LRMDA: variants seen among roughly 807,000 people sequenced by gnomAD.
LRMDA encodes the protein leucine rich melanocyte differentiation associated.
Under a neutral mutation model 29.8 loss-of-function variants are expected in LRMDA, and 18 were observed. The observed-to-expected ratio is 0.60, with a 90% CI of 0.42 to 0.90. The LOEUF (loss-of-function observed/expected upper bound fraction) is 0.90, where lower values mean the gene tolerates loss of function less well. Among genes scored for constraint, LRMDA ranks in the 40% least tolerant of loss-of-function variants. The probability of loss-of-function intolerance (pLI) is 0.00; values close to 1 mark genes in which losing one functional copy is unlikely to be tolerated. For synonymous variants in LRMDA, 125 were observed against 109.4 expected (o/e 1.14, Z -0.89); for missense variants, 273 against 273.9 (o/e 1.00, Z 0.02).
At chr10:76,541,477 C>T (rs545338035) in intron 6 of LRMDA, among the ~76,000 whole-genome samples, 53 of 152,226 alleles carry the variant, frequency 3.5e-4, no homozygotes, top group African/African-American at 1.2e-3. Context: ...CCAGCCAGGG[C>T]GACAGGATGA....
intron 2 of LRMDA, among the ~76,000 whole-genome samples, chr10:75,645,761 G>A (rs1217985568): frequency 6.6e-6 from 1 of 152,146 alleles, no homozygotes; most frequent in Non-Finnish European, 1.5e-5. Flanking sequence ...GATGAGGTCA[G>A]CCTGGTGGAA....
chr10:75,933,719 G>A (rs573498794), intron 2 of LRMDA, among the ~76,000 whole-genome samples: 3 of 152,230 alleles, frequency 2.0e-5, no homozygotes, highest in East Asian at 1.9e-4. Flanking sequence ...GAGGGTATTC[G>A]CTCCAAGGAG....
At chr10:76,371,479 C>A (rs1284523318) in intron 6 of LRMDA, among the ~76,000 whole-genome samples, 1 of 152,146 alleles carries the variant, frequency 6.6e-6, no homozygotes, top group African/African-American at 2.4e-5. Flanking sequence ...GCCCTGGAAT[C>A]ATATCCTAGC....
intron 6 of LRMDA, among the ~76,000 whole-genome samples, chr10:76,470,968 A>C (rs1206302805): frequency 1.3e-5 from 2 of 151,932 alleles, no homozygotes; most frequent in African/African-American, 4.8e-5. Context: ...TAACTCTAAA[A>C]AAGCAATTAT....
intron 6 of LRMDA, among the ~76,000 whole-genome samples, chr10:76,527,337 G>A (rs981261025): frequency 2.0e-5 from 3 of 152,120 alleles, no homozygotes; most frequent in Admixed American, 1.3e-4. Context: ...TTAAGAAGGT[G>A]GGTCAGAGAC....
chr10:76,471,867 A>G (rs954232443), intron 6 of LRMDA, among the ~76,000 whole-genome samples: 4 of 151,854 alleles, frequency 2.6e-5, no homozygotes, highest in Non-Finnish European at 4.4e-5. Context: ...TTTGTCAGGT[A>G]TGTAAAACAA....
chr10:75,869,392 AG>A (rs1054339778), intron 2 of LRMDA, among the ~76,000 whole-genome samples: 22 of 152,170 alleles, frequency 1.4e-4, no homozygotes, highest in African/African-American at 5.1e-4. Context: ...TTCCGTCTTG[AG>A]GGTGAGGGCA....
At chr10:76,132,568 G>C (rs1380188000) in intron 5 of LRMDA, among the ~76,000 whole-genome samples, 1 of 152,190 alleles carries the variant, frequency 6.6e-6, no homozygotes, top group Non-Finnish European at 1.5e-5. Context: ...GATTGTGGCA[G>C]ATGTGGTAAT....
At chr10:75,611,220 G>A (rs1234013580) in intron 2 of LRMDA, among the ~76,000 whole-genome samples, 1 of 152,150 alleles carries the variant, frequency 6.6e-6, no homozygotes, top group Non-Finnish European at 1.5e-5. Flanking sequence ...CGTTTGTGGA[G>A]GCAAGTGCAG....
At chr10:76,507,709 A>G (rs1338501712) in intron 6 of LRMDA, among the ~76,000 whole-genome samples, 2 of 152,102 alleles carry the variant, frequency 1.3e-5, no homozygotes, top group Admixed American at 6.5e-5. Context: ...ATTGTTCTGC[A>G]TATGGGTGTC....
At chr10:75,507,945 C>T (rs1419286144) in intron 2 of LRMDA, among the ~76,000 whole-genome samples, 1 of 152,170 alleles carries the variant, frequency 6.6e-6, no homozygotes, top group African/African-American at 2.4e-5. Flanking sequence ...CTCAATTGAG[C>T]CCTATTGATG....
chr10:76,044,459 TTTG>T (rs1416972219), intron 3 of LRMDA, among the ~76,000 whole-genome samples: 4 of 149,308 alleles, frequency 2.7e-5, no homozygotes, highest in African/African-American at 9.9e-5. Context: ...TTTTTTTTCT[TTTG>T]TTGTTGTAGT....
intron 2 of LRMDA, among the ~76,000 whole-genome samples, chr10:75,525,592 C>CTTTTTTTTTTTTTTTTTTTT (rs11415547): frequency 6.2e-5 from 8 of 129,716 alleles, no homozygotes; most frequent in Non-Finnish European, 1.1e-4. Flanking sequence ...TTCTTTCTTT[C>CTTTTTTTTTTTTTTTTTTTT]TTTTTTTTTT....
At chr10:76,135,438 A>G (rs1212719151) in intron 5 of LRMDA, among the ~76,000 whole-genome samples, 4 of 152,214 alleles carry the variant, frequency 2.6e-5, no homozygotes, top group Non-Finnish European at 5.9e-5. Flanking sequence ...CAAGGCTTCT[A>G]TCTTGGGAAA....
intron 5 of LRMDA, among the ~76,000 whole-genome samples, chr10:76,321,304 G>C (rs1207897399): frequency 1.3e-5 from 2 of 152,206 alleles, no homozygotes. Flanking sequence ...CAAGGAATGA[G>C]AAGACAACAG....
intron 5 of LRMDA, among the ~76,000 whole-genome samples, chr10:76,306,544 A>C (rs1273997511): frequency 6.6e-6 from 1 of 152,204 alleles, no homozygotes; most frequent in Non-Finnish European, 1.5e-5. Flanking sequence ...TGTCCAGGAC[A>C]CATTGTCCTC....
intron 2 of LRMDA, among the ~76,000 whole-genome samples, chr10:75,641,640 A>G (rs1841455044): frequency 6.6e-6 from 1 of 151,932 alleles, no homozygotes; most frequent in East Asian, 1.9e-4. Flanking sequence ...GGGTTTTGTC[A>G]TGTTGCCTAC....
intron 6 of LRMDA, among the ~76,000 whole-genome samples, chr10:76,471,908 A>G (rs1842621574): frequency 6.6e-6 from 1 of 151,866 alleles, no homozygotes; most frequent in Admixed American, 6.6e-5. Context: ...CTACATAGCC[A>G]CAGAGCCCCA....
chr10:75,482,538 A>G (rs979586414), intron 2 of LRMDA, among the ~76,000 whole-genome samples: 4 of 152,140 alleles, frequency 2.6e-5, no homozygotes, highest in Non-Finnish European at 5.9e-5. Context: ...CTAAATTTTA[A>G]GTTCTGTGAA....
Sources: gnomAD v4.1 joint callset for allele counts (sites outside exome capture counted in the v4.1 genomes callset) on GRCh38, gnomAD v4.1.1 for gene constraint, MANE v1.5 for transcripts, NCBI Gene and HGNC (gene_info 2026-07-23, HGNC 2026-07-21) for gene names.